The following SH3RF2 variants were observed in gnomAD, a reference collection of about 807,000 sequenced individuals.
SH3RF2 encodes E3 ubiquitin-protein ligase SH3RF2.
Under a neutral mutation model 59.0 loss-of-function variants are expected in SH3RF2, and 43 were observed. That is an observed-to-expected ratio of 0.73 (90% confidence interval 0.57 to 0.94). The LOEUF (loss-of-function observed/expected upper bound fraction) is 0.94, where lower values mean the gene tolerates loss of function less well. Ranked by LOEUF, SH3RF2 falls within the 40% of genes least tolerant of loss-of-function variation. The probability of loss-of-function intolerance (pLI) is 0.00; values close to 1 mark genes in which losing one functional copy is unlikely to be tolerated. For missense variants in SH3RF2, 930 were observed against 940.1 expected (o/e 0.99, Z 0.14); for synonymous variants, 391 against 391.5 (o/e 1.00, Z 0.01).
At chr5:146,008,170 T>A (rs897146630) in intron 4 of SH3RF2, among the ~76,000 whole-genome samples, 12 of 152,234 alleles carry the variant, frequency 7.9e-5, no homozygotes, top group African/African-American at 2.7e-4. Context: ...CTGGGTTATA[T>A]GAACTTTGCT....
chr5:145,948,748 C>G (rs1758085301), intron 2 of SH3RF2, among the ~76,000 whole-genome samples: 2 of 152,204 alleles, frequency 1.3e-5, no homozygotes, highest in Non-Finnish European at 2.9e-5. Context: ...AGTCAGCCCT[C>G]TGTCCCAAAC....
chr5:145,938,072 G>A lies in SH3RF2; in HGVS notation c.144G>A (p.Arg48=). ...TTTTCAAGGCCCACAAAGAGCTGCG[G>A]TGCCCCGAATGCAGGACGCCTGTGT... The part of the protein sequence containing the change: ...QRVFKAHKEL[R]CPECRTPVFS... The change falls in exon 2 of 10, where the codon CGG becomes CGA. Residue 48 remains arginine, a synonymous_variant. Transcript: ENST00000359120. 1 of 1,614,230 alleles carries A rather than the reference G, an allele frequency of 6.2e-7. No homozygotes were observed. Among genetic ancestry groups the A allele is most frequent in the Non-Finnish European group, 8.5e-7 (1 of 1,180,040 alleles).
chr5:146,064,811 A>AGGAAGGAAGGAAGGAAG (rs1491122347), downstream of SH3RF2, among the ~76,000 whole-genome samples: 24 of 14,014 alleles, frequency 1.7e-3, no homozygotes, highest in East Asian at 3.0e-3. Context: ...AAGGAAGGAA[A>AGGAAGGAAGGAAGGAAG]GAAAGAAAGA....
rs200642732 is a variant in SH3RF2, at chr5:146,060,068, C to G, written c.1758C>G (p.Ser586Arg). The change falls in exon 9 of 10, where the codon AGC becomes AGG. Residue 586 changes from serine (S) to arginine (R), a missense_variant. Transcript: ENST00000359120. The part of the protein sequence containing the change: ...LTGEPALTCI[S>R]RGSEAWIHSA... ...GGGAGCCCGCCCTCACGTGCATCAG[C>G]AGGGGCAGTGAGGCCTGGATCCACT... is the stretch of plus-strand genomic sequence containing the variant. The G allele has an allele frequency of 4.6e-5, 75 of 1,613,850 alleles. No individual in the cohort carries two copies. The highest frequency in any genetic ancestry group is 5.7e-5 in the Non-Finnish European group (67 of 1,179,938).
At chr5:146,064,786 AGGAAGGAAGGAAGG>A (rs1561773706), downstream of SH3RF2, among the ~76,000 whole-genome samples, 3 of 21,304 alleles carry the variant, frequency 1.4e-4, no homozygotes, top group Admixed American at 4.8e-4. Context: ...AAAGGAAGGA[AGGAAGGAAGGAAGG>A]AAGGAAGGAA....
intron 2 of SH3RF2, among the ~76,000 whole-genome samples, chr5:145,962,168 T>C (rs1580777412): frequency 6.6e-6 from 1 of 152,290 alleles, no homozygotes; most frequent in East Asian, 1.9e-4. Flanking sequence ...TAAGGAATAG[T>C]CTGATTGGTT....
At chr5:146,015,358 T>C (rs1024656743) in intron 5 of SH3RF2, among the ~76,000 whole-genome samples, 4 of 152,132 alleles carry the variant, frequency 2.6e-5, no homozygotes, top group African/African-American at 7.2e-5. Context: ...TTCACTCCCC[T>C]TGCTTTAACA....
At chr5:146,010,420 T>G (rs1760832853) in intron 4 of SH3RF2, among the ~76,000 whole-genome samples, 1 of 152,174 alleles carries the variant, frequency 6.6e-6, no homozygotes. Flanking sequence ...GGTCAAATGG[T>G]ATTTCTAGTT....
intron 2 of SH3RF2, among the ~76,000 whole-genome samples, chr5:145,999,080 T>G (rs1269002408): frequency 6.6e-6 from 1 of 152,220 alleles, no homozygotes; most frequent in African/African-American, 2.4e-5. Flanking sequence ...ATCTTCTTGC[T>G]GGTGGTGGGT....
At chr5:146,031,732 G>T (rs531501380) in intron 5 of SH3RF2, among the ~76,000 whole-genome samples, 2 of 152,308 alleles carry the variant, frequency 1.3e-5, no homozygotes, top group South Asian at 4.1e-4. Flanking sequence ...CATGGAGTGT[G>T]TGTCCATGCT....
At chr5:145,978,893 G>A (rs1283228206) in intron 2 of SH3RF2, among the ~76,000 whole-genome samples, 1 of 152,082 alleles carries the variant, frequency 6.6e-6, no homozygotes, top group Non-Finnish European at 1.5e-5. Context: ...TGTGTGGGGA[G>A]AGGCCCTGGC....
intron 2 of SH3RF2, among the ~76,000 whole-genome samples, chr5:145,988,978 G>C (rs1014924943): frequency 6.6e-6 from 1 of 152,188 alleles, no homozygotes; most frequent in African/African-American, 2.4e-5. Flanking sequence ...TGGCTTCGTT[G>C]GTTAAGCAGC....
chr5:145,951,440 T>C lies in SH3RF2; in HGVS notation c.378+13134T>C, dbSNP rs112095037. ...TACATCTTGGTTCTCTGAAACTACA[T>C]AGTACCAGCCACATACGTAGGGACT... is the stretch of plus-strand genomic sequence containing the variant. On this transcript the variant is annotated intron_variant, in intron 2 of 9. Transcript: ENST00000359120. 5.8e-3 allele frequency among the ~76,000 whole-genome samples: 883 copies of C among 152,326 alleles called. 13 individuals carry two copies. Among genetic ancestry groups the C allele is most frequent in the African/African-American group, 0.02 (833 of 41,564 alleles).
intron 2 of SH3RF2, among the ~76,000 whole-genome samples, chr5:145,951,822 G>C (rs955664462): frequency 6.6e-6 from 1 of 152,104 alleles, no homozygotes; most frequent in Non-Finnish European, 1.5e-5. Context: ...GGACTACCTC[G>C]CTTAGTTCTC....
At chr5:146,073,945 A>C (rs994562556) in intron 9 of SH3RF2, among the ~76,000 whole-genome samples, 2 of 152,024 alleles carry the variant, frequency 1.3e-5, no homozygotes, top group African/African-American at 4.8e-5. Context: ...CTAAGAGGGA[A>C]CCAGACACGC....
At chr5:146,068,552 G>A (rs1471252240) in intron 9 of SH3RF2, among the ~76,000 whole-genome samples, 1 of 152,194 alleles carries the variant, frequency 6.6e-6, no homozygotes, top group Admixed American at 6.5e-5. Flanking sequence ...TGTTTGGCAG[G>A]CAGGACCAAA....
intron 2 of SH3RF2, among the ~76,000 whole-genome samples, chr5:145,992,860 G>A (rs1029961718): frequency 1.1e-4 from 17 of 151,148 alleles, no homozygotes; most frequent in East Asian, 1.9e-4. Context: ...CAAATCTCAC[G>A]GCCTCACATT....
At position 145,971,871 on chromosome 5, in the gene SH3RF2, A is replaced by AATGATG. The variant is rs148965709; in HGVS notation, c.379-28153_379-28148dup. 2.0e-3 allele frequency among the ~76,000 whole-genome samples: 307 copies of AATGATG among 150,730 alleles called. 1 individual carries two copies. The highest frequency in any genetic ancestry group is 0.016 in the East Asian group (79 of 5,072). ...GGAATAGCCAAGAAATAATAGTGATAATGATGATGATGATGATGATGATGA... is the reference window on the plus strand; with the variant it reads ...GGAATAGCCAAGAAATAATAGTGATAATGATGATGATGATGATGATGATGATGATGA... On this transcript the variant is annotated intron_variant, in intron 2 of 9. Coordinates refer to ENST00000359120, the MANE Select transcript of SH3RF2 (RefSeq NM_152550.4).
At chr5:146,018,889 T>C (rs529282346) in intron 5 of SH3RF2, among the ~76,000 whole-genome samples, 4 of 22,460 alleles carry the variant, frequency 1.8e-4, no homozygotes, top group African/African-American at 1.9e-4. Context: ...ATTAGTGATA[T>C]TGAGCATTTT....
Sources: allele counts gnomAD v4.1 joint callset (sites outside exome capture counted in the v4.1 genomes callset), GRCh38; gene constraint gnomAD v4.1.1; transcripts MANE v1.5; gene names NCBI Gene and HGNC (gene_info 2026-07-23, HGNC 2026-07-21).